MPPED1: variants seen among roughly 807,000 people sequenced by gnomAD.
MPPED1 encodes the protein metallophosphoesterase domain containing 1.
MPPED1 carries 16 observed loss-of-function variants against 36.2 expected under a neutral mutation model. The ratio of observed to expected loss-of-function variants is 0.44; its 90% CI spans 0.30 to 0.67. The LOEUF is 0.67. MPPED1 is among the 30% of genes least tolerant of loss of function. MPPED1 has a pLI of 0.10. For synonymous variants in MPPED1, 199 were observed against 191.3 expected (o/e 1.04, Z -0.33); for missense variants, 307 against 453.4 (o/e 0.68, Z 2.93).
chr22:43,419,596 G>T (rs1048119223), intron 1 of MPPED1, among the ~76,000 whole-genome samples: 1 of 152,076 alleles, frequency 6.6e-6, no homozygotes, highest in African/African-American at 2.4e-5. Flanking sequence ...ACCTGAGGGC[G>T]GCAGCTGCTC....
intron 3 of MPPED1, among the ~76,000 whole-genome samples, chr22:43,449,383 A>G (rs1459984792): frequency 2.0e-5 from 3 of 151,874 alleles, no homozygotes; most frequent in Admixed American, 1.3e-4. Flanking sequence ...CTGGATCGTC[A>G]GGTACACCGC....
chr22:43,504,080 GTAATGA>G (rs1053094849), intron 6 of MPPED1, among the ~76,000 whole-genome samples: 17 of 152,272 alleles, frequency 1.1e-4, no homozygotes, highest in African/African-American at 3.6e-4. Flanking sequence ...AGTGATAGTA[GTAATGA>G]TGATGATGGC....
chr22:43,451,064 T>C (rs1930548690), intron 3 of MPPED1, among the ~76,000 whole-genome samples: 2 of 147,414 alleles, frequency 1.4e-5, no homozygotes, highest in African/African-American at 5.0e-5. Flanking sequence ...TGGAGTACAG[T>C]GGGGCCATCT....
At chr22:43,489,020 G>A (rs1319742131) in intron 4 of MPPED1, among the ~76,000 whole-genome samples, 1 of 152,214 alleles carries the variant, frequency 6.6e-6, no homozygotes, top group Non-Finnish European at 1.5e-5. Flanking sequence ...AGTGTGGGCA[G>A]TGAGGGGTGG....
At chr22:43,500,309 GATGGAGGTGGTGATGGT>G (rs1932669966) in intron 5 of MPPED1, among the ~76,000 whole-genome samples, 1 of 140,002 alleles carries the variant, frequency 7.1e-6, no homozygotes, top group South Asian at 2.3e-4. Flanking sequence ...TGGTGATGGT[GATGGAGGTGGTGATGGT>G]GGTGGTGGAG....
At chr22:43,487,867 G>A (rs28582261) in intron 4 of MPPED1, among the ~76,000 whole-genome samples, 83,589 of 151,934 alleles carry the variant, frequency 0.55, 23,245 homozygotes, top group East Asian at 0.77. Flanking sequence ...GCTACTAGAC[G>A]TGACAGCGAC....
At chr22:43,487,513 G>C (rs1473272699) in intron 4 of MPPED1, among the ~76,000 whole-genome samples, 1 of 152,200 alleles carries the variant, frequency 6.6e-6, no homozygotes, top group Non-Finnish European at 1.5e-5. Context: ...GGAGCCATGG[G>C]AGGCGCTGGA....
At chr22:43,500,227 A>T (rs373438840) in intron 5 of MPPED1, among the ~76,000 whole-genome samples, 7,117 of 14,154 alleles carry the variant, frequency 0.5, 1,352 homozygotes, top group African/African-American at 0.75. Context: ...GTGATGGTGG[A>T]GGTGGTGATG....
chr22:43,499,361 AGGTGGTGGTGATGGTGATGGG>A (rs982040197), intron 5 of MPPED1, among the ~76,000 whole-genome samples: 5 of 76,556 alleles, frequency 6.5e-5, no homozygotes, highest in Non-Finnish European at 1.4e-4. Context: ...ATGGTGATGG[AGGTGGTGGTGATGGTGATGGG>A]GGTGGTGATG....
At chr22:43,497,929 G>GTATATATATATATATATATA (rs746068497) in intron 4 of MPPED1, among the ~76,000 whole-genome samples, 22 of 48,746 alleles carry the variant, frequency 4.5e-4, no homozygotes, top group African/African-American at 1.3e-3. Context: ...ATATATATAT[G>GTATATATATATATATATATA]TATATGTATA....
At chr22:43,454,229 G>A (rs113228716) in intron 3 of MPPED1, among the ~76,000 whole-genome samples, 7,300 of 152,064 alleles carry the variant, frequency 0.048, 608 homozygotes, top group African/African-American at 0.17. Flanking sequence ...GGCTGGTCTC[G>A]AACTCCTGAC....
intron 2 of MPPED1, among the ~76,000 whole-genome samples, chr22:43,432,578 A>G (rs1393591837): frequency 2.3e-5 from 2 of 88,110 alleles, no homozygotes; most frequent in Non-Finnish European, 4.6e-5. Context: ...AAGGGAGGAG[A>G]GAGAGGGAAA....
chr22:43,413,708 AC>A (rs890939461), intron 1 of MPPED1, among the ~76,000 whole-genome samples: 1 of 152,232 alleles, frequency 6.6e-6, no homozygotes, highest in African/African-American at 2.4e-5. Flanking sequence ...TGGCAGCCCC[AC>A]AACACTTGTA....
Position 43,435,103 on chromosome 22 carries a change from C to T in MPPED1, c.294C>T (p.Thr98=), listed in dbSNP as rs148349207. ...GYTRFVCVSD[T]HSRTDPIQMP... ...CCCGCTTCGTCTGCGTCTCTGATAC[C>T]CACTCGAGGACGGACCCCATCCAGA... Residue 98 remains threonine (T), a synonymous_variant, in exon 3 of 7, where the codon ACC becomes ACT. Transcript: ENST00000443721. 12,313 of 1,613,908 alleles carry T rather than the reference C, an allele frequency of 7.6e-3. 490 individuals are homozygous for T. The South Asian group carries it at 0.081, about 11-fold the overall frequency.
At chr22:43,482,166 G>A (rs1424592768) in intron 4 of MPPED1, among the ~76,000 whole-genome samples, 1 of 152,146 alleles carries the variant, frequency 6.6e-6, no homozygotes, top group African/African-American at 2.4e-5. Flanking sequence ...TCATTTATGG[G>A]TTTTGGATGC....
At chr22:43,446,068 A>T (rs562018282) in intron 3 of MPPED1, among the ~76,000 whole-genome samples, 4 of 149,168 alleles carry the variant, frequency 2.7e-5, no homozygotes, top group African/African-American at 5.0e-5. Context: ...ACGGGGTTTC[A>T]CCATGTTGCC....
chr22:43,458,432 C>T (rs751294658), intron 3 of MPPED1, among the ~76,000 whole-genome samples: 5 of 151,906 alleles, frequency 3.3e-5, no homozygotes, highest in East Asian at 1.9e-4. Context: ...ATTACAGGCA[C>T]GTGCCACCAC....
At position 43,414,982 on chromosome 22, in the gene MPPED1, C is replaced by T. The variant is rs112284866; in HGVS notation, c.-79+2824C>T. Among the ~76,000 whole-genome samples the T allele has an allele frequency of 5.7e-3, 865 of 152,192 alleles. 12 individuals carry two copies. Among genetic ancestry groups the T allele is most frequent in the African/African-American group, 0.018 (745 of 41,514 alleles). ...GGCCTTCCTTCTGGCCTGGGCGCCT[C>T]ACCCTCTAGGACCAGAAGTGTCCAA... is the stretch of plus-strand genomic sequence containing the variant. On this transcript the variant is annotated intron_variant, in intron 1 of 6. Transcript: ENST00000443721.
At chr22:43,481,768 C>T (rs1294842481) in intron 4 of MPPED1, among the ~76,000 whole-genome samples, 1 of 152,172 alleles carries the variant, frequency 6.6e-6, no homozygotes, top group African/African-American at 2.4e-5. Context: ...CCCCTTCACC[C>T]TCAAGCTGAA....
Sources: gnomAD v4.1 joint callset for allele counts (sites outside exome capture counted in the v4.1 genomes callset) on GRCh38, gnomAD v4.1.1 for gene constraint, MANE v1.5 for transcripts, NCBI Gene and HGNC (gene_info 2026-07-23, HGNC 2026-07-21) for gene names.